MOK: variants seen among roughly 807,000 people sequenced by gnomAD.
MOK encodes MAPK/MAK/MRK overlapping kinase.
MOK carries 59 observed loss-of-function variants against 54.2 expected under a neutral mutation model. The observed-to-expected ratio is 1.09, with a 90% CI of 0.88 to 1.35. MOK has a LOEUF of 1.35. Ranked by LOEUF, MOK falls within the 40% of genes most tolerant of loss-of-function variation. The probability of loss-of-function intolerance (pLI) is 0.00; values close to 1 mark genes in which losing one functional copy is unlikely to be tolerated. For missense variants in MOK, 517 were observed against 526.2 expected, an observed-to-expected ratio of 0.98 and a Z score of 0.17; for synonymous variants, 210 against 202.7, an observed-to-expected ratio of 1.04 and a Z score of -0.31.
At position 102,272,672 on chromosome 14, in the gene MOK, T is replaced by C. The variant is rs114865435; in HGVS notation, c.123-6760A>G. On this transcript the variant is annotated intron_variant, in intron 2 of 11. Coordinates refer to ENST00000361847, the MANE Select transcript of MOK (RefSeq NM_014226.3). ...CCACAATACAAGAAAAAGGAAAAAA[T>C]AATAATACCAAAAAGTCATTTGACA... Among the ~76,000 whole-genome samples, 705 of 151,982 alleles carry C rather than the reference T, an allele frequency of 4.6e-3. 6 individuals carry two copies. Among genetic ancestry groups the C allele is most frequent in the African/African-American group, 0.016 (654 of 41,456 alleles).
At chr14:102,285,387 A>T (rs918058659) in intron 1 of MOK, among the ~76,000 whole-genome samples, 1 of 152,128 alleles carries the variant, frequency 6.6e-6, no homozygotes, top group African/African-American at 2.4e-5. Context: ...GGTTTTCAAA[A>T]CTGCAGCGCT....
chr14:102,251,136 C>T, intron 6 of MOK, 146 bp from the exon 7 acceptor site: 9 of 768,456 alleles, frequency 1.2e-5, no homozygotes, highest in Non-Finnish European at 1.4e-5. Context: ...TTCTGAGCAC[C>T]TCAAAGTGCC....
intron 7 of MOK, among the ~76,000 whole-genome samples, chr14:102,242,721 G>A (rs1005063629): frequency 5.9e-5 from 9 of 151,952 alleles, no homozygotes; most frequent in East Asian, 1.9e-4. Context: ...TCCAAAAACC[G>A]GACAAGTCTT....
chr14:102,237,023 C>T lies in MOK; in HGVS notation c.591-3234G>A, dbSNP rs191688628. ...CACCACCTGCTACACTGCTATTGAC[C>T]TAAAAGATGACTTTTTTTACTATTC... On this transcript the variant is annotated intron_variant, in intron 7 of 11. Coordinates refer to ENST00000361847, the MANE Select transcript of MOK (RefSeq NM_014226.3). 3.3e-5 allele frequency among the ~76,000 whole-genome samples: 5 copies of T among 152,194 alleles called. No homozygotes were observed. The East Asian group carries it at 9.6e-4, about 29-fold the overall frequency.
chr14:102,298,569 C>T (rs2153192990), intron 1 of MOK, among the ~76,000 whole-genome samples: 1 of 152,278 alleles, frequency 6.6e-6, no homozygotes, highest in African/African-American at 2.4e-5. Flanking sequence ...TGTAAACGCA[C>T]CAATCAGCAC....
intron 2 of MOK, 56 bp from the exon 3 acceptor site, chr14:102,265,968 T>C: frequency 8.2e-7 from 1 of 1,213,164 alleles, no homozygotes; most frequent in South Asian, 1.3e-5. Context: ...ACTTCAAAAT[T>C]AGAGTTACTT....
At position 102,243,248 on chromosome 14, in the gene MOK, T is replaced by C. The variant is rs535052612; in HGVS notation, c.590+7564A>G. The stretch of plus-strand genomic sequence containing the variant: ...ACAAAAGAAAACCTAGCTGACCACA[T>C]AGATCCTAAATCCTTTCCCCATTCC... On this transcript the variant is annotated intron_variant, in intron 7 of 11. Coordinates refer to ENST00000361847, the MANE Select transcript of MOK (RefSeq NM_014226.3). Among the ~76,000 whole-genome samples, 14 of 152,290 alleles carry C rather than the reference T, an allele frequency of 9.2e-5. No individual in the cohort carries two copies. The South Asian group carries it at 1.9e-3, about 20-fold the overall frequency.
rs1224469690 is a variant in MOK at position 102,235,778 on chromosome 14, A to G, written c.591-1989T>C. On this transcript the variant is annotated intron_variant, in intron 7 of 11. Transcript: ENST00000361847. This position sits in a 1 kb window ranked among gnomAD's most constrained non-coding sequence, Gnocchi z 4.4. ...CATTTTATTTCCCAATCTGCCCCCG[A>G]CATCTGGCGCAAACTTAAAAAGGCT... 2.0e-5 allele frequency among the ~76,000 whole-genome samples: 3 copies of G among 152,140 alleles called. No individual in the cohort carries two copies. Among genetic ancestry groups the G allele is most frequent in the Non-Finnish European group, 4.4e-5 (3 of 68,014 alleles).
chr14:102,242,918 CTT>C (rs2065827897), intron 7 of MOK, among the ~76,000 whole-genome samples: 1 of 152,190 alleles, frequency 6.6e-6, no homozygotes, highest in East Asian at 1.9e-4. Context: ...CCCAGCCACT[CTT>C]TGCTTTCACT....
intron 4 of MOK, among the ~76,000 whole-genome samples, chr14:102,256,893 G>C (rs965531081): frequency 1.3e-5 from 2 of 152,020 alleles, no homozygotes; most frequent in African/African-American, 2.4e-5. Context: ...AAGCACACGC[G>C]CCCAAATACA....
intron 1 of MOK, among the ~76,000 whole-genome samples, chr14:102,301,669 T>G (rs1023255249): frequency 4.6e-5 from 7 of 152,176 alleles, no homozygotes; most frequent in African/African-American, 1.7e-4. Flanking sequence ...TTTAAATCAT[T>G]TATTTAATGA....
Position 102,232,567 on chromosome 14 carries a change from C to G in MOK, c.834G>C (p.Gln278His). The change falls in exon 9 of 12, where the codon CAG (glutamine) becomes CAC (histidine). Residue 278 changes from glutamine to histidine, a missense_variant. Physicochemically the swap from Gln to His is conservative, Grantham distance 24. Transcript: ENST00000361847. The surrounding 1 kb of genome is among the most constrained non-coding windows in gnomAD (Gnocchi z 5.1). ...CTTGGAAGTAGGGGTGCTGCAGGGCCTGGTGGGCGGCGATTCTCTCATCGG... is the reference window on the plus strand; with the variant it reads ...CTTGGAAGTAGGGGTGCTGCAGGGCGTGGTGGGCGGCGATTCTCTCATCGG... Reference protein sequence around the residue: ...YDPDERIAAHQALQHPYFQEQ... With the variant: ...YDPDERIAAHHALQHPYFQEQ... 6.2e-7 allele frequency: 1 copy of G among 1,613,970 alleles called. No individual in the cohort carries two copies. Among genetic ancestry groups the G allele is most frequent in the Non-Finnish European group, 8.5e-7 (1 of 1,179,914 alleles).
rs527632081 is a variant in MOK at position 102,231,337 on chromosome 14, C to T, written c.981+370G>A. ...TTGGGCCAGCATTGCATCTTCTTGG[C>T]GCCTCCCTCCAGGGCCGTTCTGAGG... On this transcript the variant is annotated intron_variant, in intron 10 of 11. Transcript: ENST00000361847. This position sits in a 1 kb window ranked among gnomAD's most constrained non-coding sequence, Gnocchi z 4.4. The T allele has an allele frequency of 5.3e-5, 9 of 168,502 alleles. No individual in the cohort carries two copies. Among genetic ancestry groups the T allele is most frequent in the East Asian group, 1.6e-4 (1 of 6,162 alleles). The allele number at this position is 168,502 out of a possible 1,614,324, so 10.4% of individuals were successfully genotyped here.
At chr14:102,224,756 ACT>A (rs1567116342), downstream of MOK, 2 of 455,892 alleles carry the variant, frequency 4.4e-6, no homozygotes, top group Admixed American at 4.7e-5. Context: ...GCCAGCAGGG[ACT>A]CTGGATCACG....
intron 4 of MOK, among the ~76,000 whole-genome samples, chr14:102,255,785 T>A (rs2066902147): frequency 6.6e-6 from 1 of 152,224 alleles, no homozygotes; most frequent in Admixed American, 6.5e-5. Context: ...AAGTTTCTTA[T>A]ATGCCCCTTA....
intron 1 of MOK, among the ~76,000 whole-genome samples, chr14:102,300,933 C>G (rs2072119830): frequency 6.6e-6 from 1 of 152,068 alleles, no homozygotes; most frequent in Non-Finnish European, 1.5e-5. Flanking sequence ...CCCGTCTCTA[C>G]TCAAAATATA....
intron 7 of MOK, 50 bp downstream of exon 7, chr14:102,250,762 G>A: frequency 6.4e-7 from 1 of 1,569,960 alleles, no homozygotes; most frequent in Non-Finnish European, 8.7e-7. Flanking sequence ...GAGCCTGGCT[G>A]CTGCACCGCT....
At position 102,231,654 on chromosome 14, in the gene MOK, G is replaced by T; in HGVS notation, c.981+53C>A. The stretch of plus-strand genomic sequence containing the variant: ...TGAGAGAGACACAGGCCACCCGAGG[G>T]CATCCAGTCCCGGCTGAGCTAGGCA... On this transcript the variant is annotated intron_variant, in intron 10 of 11. Coordinates refer to ENST00000361847, the MANE Select transcript of MOK (RefSeq NM_014226.3). This position sits in a 1 kb window ranked among gnomAD's most constrained non-coding sequence, Gnocchi z 4.4. 1 of 1,526,760 alleles carries T rather than the reference G, an allele frequency of 6.5e-7. No homozygotes were observed. The highest frequency in any genetic ancestry group is 9.0e-7 in the Non-Finnish European group (1 of 1,105,710). 94.6% of individuals were successfully genotyped at this position (1,526,760 alleles called of 1,614,324 possible). A position where few individuals can be genotyped will look rare whatever the true frequency, so the allele number is the denominator to read the frequency against.
intron 1 of MOK, among the ~76,000 whole-genome samples, chr14:102,289,303 T>A (rs1269676587): frequency 2.6e-5 from 4 of 151,674 alleles, no homozygotes; most frequent in African/African-American, 9.7e-5. Context: ...ACAGAAATGA[T>A]ACACAGTAAA....
Sources: allele counts gnomAD v4.1 joint callset (sites outside exome capture counted in the v4.1 genomes callset), GRCh38; gene constraint gnomAD v4.1.1; non-coding constraint Gnocchi (gnomAD v3.1); transcripts MANE v1.5; gene names NCBI Gene and HGNC (gene_info 2026-07-23, HGNC 2026-07-21).